The following TSPAN8 variants were observed in gnomAD, a reference collection of about 807,000 sequenced individuals.
TSPAN8 encodes tetraspanin-8.
A neutral mutation model predicts 32.8 loss-of-function variants in TSPAN8; 21 were observed. The ratio of observed to expected loss-of-function variants is 0.64; its 90% CI spans 0.45 to 0.92. TSPAN8 has a LOEUF of 0.92. Ranked by LOEUF, TSPAN8 falls within the 40% of genes least tolerant of loss-of-function variation. The probability of loss-of-function intolerance (pLI) is 0.00; values close to 1 mark genes in which losing one functional copy is unlikely to be tolerated. For missense variants in TSPAN8, 269 were observed against 281.9 expected (o/e 0.95, Z 0.33); for synonymous variants, 95 against 94.6 (o/e 1.00, Z -0.03).
chr12:71,153,940 C>T (rs1872338216), intron 2 of TSPAN8, among the ~76,000 whole-genome samples: 1 of 152,122 alleles, frequency 6.6e-6, no homozygotes, highest in African/African-American at 2.4e-5. Context: ...TTAGAAAGAT[C>T]TAACTGAAAA....
intron 4 of TSPAN8, among the ~76,000 whole-genome samples, chr12:71,139,475 GTGAA>G (rs1487360099): frequency 1.1e-5 from 1 of 94,576 alleles, no homozygotes; most frequent in Admixed American, 9.6e-5. Context: ...TGTTGAATGA[GTGAA>G]TGAATGAATG....
chr12:71,128,051 T>C (rs10879262), intron 8 of TSPAN8, among the ~76,000 whole-genome samples: 48,372 of 151,932 alleles, frequency 0.32, 8,533 homozygotes, highest in Non-Finnish European at 0.41. Flanking sequence ...AGCAGAGAAA[T>C]AAAATACATC....
At chr12:71,154,473 C>T (rs1187204874) in intron 2 of TSPAN8, among the ~76,000 whole-genome samples, 2 of 151,630 alleles carry the variant, frequency 1.3e-5, no homozygotes, top group African/African-American at 4.8e-5. Flanking sequence ...TATAACCTAC[C>T]CCTTCCTAGA....
In TSPAN8 at chr12:71,149,916, T is replaced by C. The variant is rs566621175; in HGVS notation, c.61-5703A>G. Reference sequence around the variant, plus strand: ...TCGAGCAAAAAGAGCCATATTTTTCTTCTTGCAGAGAGCCTATAAACGGAC... The same window carrying C: ...TCGAGCAAAAAGAGCCATATTTTTCCTCTTGCAGAGAGCCTATAAACGGAC... On this transcript the variant is annotated intron_variant, in intron 2 of 8. Transcript: ENST00000247829. Among the ~76,000 whole-genome samples the C allele has an allele frequency of 6.3e-4, 96 of 152,364 alleles. 3 individuals carry two copies. In the South Asian group the frequency reaches 0.019, roughly 31 times the overall value.
intron 2 of TSPAN8, among the ~76,000 whole-genome samples, chr12:71,150,104 C>T (rs1160503090): frequency 6.6e-6 from 1 of 152,176 alleles, no homozygotes; most frequent in African/African-American, 2.4e-5. Flanking sequence ...GCCCTGGTCT[C>T]CTGCAGTACC....
Position 71,157,673 on chromosome 12 carries a change from T to C in TSPAN8, c.6A>G (p.Ala2=), listed in dbSNP as rs775374642. ...AATATTTTATACAGGCACTCACACC[T>C]GCCATTTCGGAAAAGGATTAGGAAT... M[A]GVSACIKYSM... Residue 2 remains alanine, a synonymous_variant, in exon 2 of 9, where the codon GCA becomes GCG. Coordinates refer to ENST00000247829, the MANE Select transcript of TSPAN8 (RefSeq NM_004616.3). 19 of 1,613,230 alleles carry C rather than the reference T, an allele frequency of 1.2e-5. 1 individual carries two copies. In the Admixed American group the frequency reaches 3.2e-4, roughly 27 times the overall value.
At position 71,125,263 on chromosome 12, in the gene TSPAN8, A is replaced by G; in HGVS notation, c.*71T>C. 7.2e-7 allele frequency: 1 copy of G among 1,388,420 alleles called. No homozygotes were observed. Among genetic ancestry groups the G allele is most frequent in the Non-Finnish European group, 1.0e-6 (1 of 996,332 alleles). 86.0% of individuals were successfully genotyped at this position (1,388,420 alleles called of 1,614,324 possible). A position where few individuals can be genotyped will look rare whatever the true frequency, so the allele number is the denominator to read the frequency against. On this transcript the variant is annotated 3_prime_UTR_variant, in exon 9 of 9. Coordinates refer to ENST00000247829, the MANE Select transcript of TSPAN8 (RefSeq NM_004616.3). ...CTCCTGACTTATATAGCACTTACAT[A>G]TTTAAATTTACAAAGCCAAAGCAAC...
chr12:71,141,936 A>T (rs1346699111), intron 3 of TSPAN8, among the ~76,000 whole-genome samples: 5 of 152,170 alleles, frequency 3.3e-5, no homozygotes, highest in Admixed American at 3.3e-4. Context: ...ATGGCTGCTC[A>T]TGTGCTTTTC....
At chr12:71,150,157 G>A (rs183463477) in intron 2 of TSPAN8, among the ~76,000 whole-genome samples, 3 of 152,244 alleles carry the variant, frequency 2.0e-5, no homozygotes, top group Admixed American at 2.0e-4. Context: ...TGGTAAATTT[G>A]GGGTCAGACC....
intron 2 of TSPAN8, among the ~76,000 whole-genome samples, chr12:71,150,748 C>T (rs7313349): frequency 0.017 from 2,650 of 152,240 alleles, 66 homozygotes; most frequent in African/African-American, 0.051. Context: ...TGGGAGATAA[C>T]TGAATCATGC....
At chr12:71,150,902 T>C (rs913506610) in intron 2 of TSPAN8, among the ~76,000 whole-genome samples, 2 of 152,128 alleles carry the variant, frequency 1.3e-5, no homozygotes, top group Non-Finnish European at 2.9e-5. Flanking sequence ...TCCACCATGA[T>C]TGTGAGGCCT....
At chr12:71,152,176 A>G (rs1266400026) in intron 2 of TSPAN8, among the ~76,000 whole-genome samples, 2 of 152,220 alleles carry the variant, frequency 1.3e-5, no homozygotes, top group African/African-American at 2.4e-5. Flanking sequence ...ACAAATCCAA[A>G]GACTGGAGCA....
intron 7 of TSPAN8, among the ~76,000 whole-genome samples, chr12:71,130,444 C>G (rs191776702): frequency 9.3e-4 from 142 of 152,186 alleles, no homozygotes; most frequent in African/African-American, 3.2e-3. Context: ...ACATTTTGGA[C>G]TAGACCTAAT....
In TSPAN8 at chr12:71,156,155, A is replaced by C. The variant is rs1872421750; in HGVS notation, c.60+1464T>G. On this transcript the variant is annotated intron_variant, in intron 2 of 8. Coordinates refer to ENST00000247829, the MANE Select transcript of TSPAN8 (RefSeq NM_004616.3). ...GGTGGGGGAAGTGAATACAGTAAAA[A>C]TGGAGAAAGATTGGCCATCTTTCTG... Among the ~76,000 whole-genome samples the C allele has an allele frequency of 2.0e-5, 3 of 151,112 alleles. No homozygotes were observed. In the South Asian group the frequency reaches 6.3e-4, roughly 32 times the overall value.
At chr12:71,139,671 G>T (rs1186070185) in intron 4 of TSPAN8, 40 bp downstream of exon 4, 3 of 1,605,682 alleles carry the variant, frequency 1.9e-6, no homozygotes, top group Non-Finnish European at 2.6e-6. Flanking sequence ...ATCCTCTGGA[G>T]TCTGAAGGTT....
chr12:71,134,321 A>G lies in TSPAN8; in HGVS notation c.445-1497T>C, dbSNP rs368350904. On this transcript the variant is annotated intron_variant, in intron 6 of 8. Coordinates refer to ENST00000247829, the MANE Select transcript of TSPAN8 (RefSeq NM_004616.3). ...CATGATCTGTTCAGCATTGTTATCAATGATTTGAATAAATAGAAAAAAATA... is the reference window on the plus strand; with the variant it reads ...CATGATCTGTTCAGCATTGTTATCAGTGATTTGAATAAATAGAAAAAAATA... Among the ~76,000 whole-genome samples, 17 of 152,336 alleles carry G rather than the reference A, an allele frequency of 1.1e-4. No individual in the cohort carries two copies. In the East Asian group the frequency reaches 1.3e-3, roughly 12 times the overall value.
At chr12:71,138,132 A>C in intron 5 of TSPAN8, 24 bp downstream of exon 5, 1 of 1,611,038 alleles carries the variant, frequency 6.2e-7, no homozygotes, top group Non-Finnish European at 8.5e-7. Context: ...CTTCTTCAAA[A>C]TTTTCAAACA....
At chr12:71,135,874 T>G (rs1495382) in intron 6 of TSPAN8, among the ~76,000 whole-genome samples, 121,566 of 152,018 alleles carry the variant, frequency 0.8, 48,961 homozygotes, top group Admixed American at 0.85. Flanking sequence ...AATTCTTCCT[T>G]CTTTAAGCCT....
chr12:71,133,703 C>G (rs1404032568), intron 6 of TSPAN8, among the ~76,000 whole-genome samples: 1 of 151,962 alleles, frequency 6.6e-6, no homozygotes, highest in Non-Finnish European at 1.5e-5. Context: ...GTTACAGTCC[C>G]AGAATAAACT....
Sources: allele counts gnomAD v4.1 joint callset (sites outside exome capture counted in the v4.1 genomes callset), GRCh38; gene constraint gnomAD v4.1.1; transcripts MANE v1.5; gene names NCBI Gene and HGNC (gene_info 2026-07-23, HGNC 2026-07-21).